CAPSL: variants seen among roughly 807,000 people sequenced by gnomAD.
CAPSL encodes the protein calcyphosine like.
CAPSL carries 17 observed loss-of-function variants against 21.3 expected under a neutral mutation model. The ratio of observed to expected loss-of-function variants is 0.80; its 90% CI spans 0.55 to 1.20. The LOEUF is 1.20. CAPSL is among the 50% of genes most tolerant of loss of function. CAPSL has a pLI of 0.00. For synonymous variants in CAPSL, 102 were observed against 89.3 expected (o/e 1.14, Z -0.80); for missense variants, 289 against 259.3 (o/e 1.11, Z -0.79).
At chr5:35,906,774 G>T (rs1760687840) in intron 4 of CAPSL, among the ~76,000 whole-genome samples, 1 of 152,194 alleles carries the variant, frequency 6.6e-6, no homozygotes, top group South Asian at 2.1e-4. Flanking sequence ...TCCCCCAGTG[G>T]GATGGGGTGA....
intron 1 of CAPSL, among the ~76,000 whole-genome samples, chr5:35,922,075 A>G (rs1368701899): frequency 1.6e-4 from 4 of 25,088 alleles, no homozygotes; most frequent in Admixed American, 5.3e-4. Flanking sequence ...TGTGCAGAAA[A>G]AAAAAAAAAA....
Position 35,916,810 on chromosome 5 carries a change from G to C in CAPSL, c.137+4174C>G, listed in dbSNP as rs577998177. Among the ~76,000 whole-genome samples the C allele has an allele frequency of 3.9e-5, 6 of 152,268 alleles. No homozygotes were observed. The South Asian group carries it at 1.2e-3, about 32-fold the overall frequency. On this transcript the variant is annotated intron_variant, in intron 2 of 4. Transcript: ENST00000651391. ...CATTCAGGACATAGGCATGGGCAAGGACTTCATGTCTAAAACACCAAAAGC... is the reference window on the plus strand; with the variant it reads ...CATTCAGGACATAGGCATGGGCAAGCACTTCATGTCTAAAACACCAAAAGC...
intron 1 of CAPSL, among the ~76,000 whole-genome samples, chr5:35,924,267 G>A (rs940191140): frequency 6.6e-6 from 1 of 152,172 alleles, no homozygotes; most frequent in Non-Finnish European, 1.5e-5. Flanking sequence ...TGCAAACTTG[G>A]AAACTAAGGC....
intron 1 of CAPSL, among the ~76,000 whole-genome samples, chr5:35,930,070 A>T (rs1738782741): frequency 6.6e-6 from 1 of 152,224 alleles, no homozygotes; most frequent in African/African-American, 2.4e-5. Context: ...TGAATATATG[A>T]AACATCTGGT....
In CAPSL at chr5:35,904,579, A is replaced by C. The variant is rs1760631514; in HGVS notation, c.593T>G (p.Phe198Cys). 2.5e-6 allele frequency: 4 copies of C among 1,613,938 alleles called. 1 individual carries two copies. The East Asian group carries it at 8.9e-5, about 36-fold the overall frequency. ...VSASIDTDVY[F>C]IIMMRTAWKL Reference sequence around the variant, plus strand: ...CCAGGCGGTTCTCATCATGATGATGAAGTACACATCAGTGTCAATGGATGC... The same window carrying C: ...CCAGGCGGTTCTCATCATGATGATGCAGTACACATCAGTGTCAATGGATGC... The change falls in exon 5 of 5, where the codon TTC (phenylalanine) becomes TGC (cysteine). Residue 198 changes from phenylalanine (F) to cysteine (C), a missense_variant. Coordinates refer to ENST00000651391, the MANE Select transcript of CAPSL (RefSeq NM_001042625.2).
chr5:35,938,210 A>G (rs1400198529), intron 1 of CAPSL, among the ~76,000 whole-genome samples: 1 of 152,212 alleles, frequency 6.6e-6, no homozygotes, highest in Non-Finnish European at 1.5e-5. Context: ...GGATCGTTAG[A>G]GCAATTCACC....
At chr5:35,917,061 G>A (rs1293156563) in intron 2 of CAPSL, among the ~76,000 whole-genome samples, 1 of 152,194 alleles carries the variant, frequency 6.6e-6, no homozygotes, top group East Asian at 1.9e-4. Context: ...CAAAGGATAT[G>A]AACAGGCACT....
At chr5:35,911,467 T>G (rs993550467) in intron 2 of CAPSL, among the ~76,000 whole-genome samples, 3 of 152,096 alleles carry the variant, frequency 2.0e-5, no homozygotes, top group Non-Finnish European at 4.4e-5. Context: ...AGTTTAGTCA[T>G]GAAGAAAAAA....
intron 1 of CAPSL, among the ~76,000 whole-genome samples, chr5:35,935,545 G>A (rs1276201652): frequency 3.3e-5 from 5 of 151,946 alleles, no homozygotes; most frequent in East Asian, 3.9e-4. Context: ...ATGTTGCCCA[G>A]GCTGGTCTTG....
At position 35,906,212 on chromosome 5, in the gene CAPSL, A is replaced by G. The variant is rs79846611; in HGVS notation, c.526-1566T>C. On this transcript the variant is annotated intron_variant, in intron 4 of 4. Coordinates refer to ENST00000651391, the MANE Select transcript of CAPSL (RefSeq NM_001042625.2). ...AAACTCCCGATATTTTTAGTTTGTT[A>G]TTGTTTCTATTGTCTGTTTGTTGGC... 6.3e-3 allele frequency among the ~76,000 whole-genome samples: 959 copies of G among 152,168 alleles called. 18 individuals carry two copies. Among genetic ancestry groups the G allele is most frequent in the East Asian group, 0.057 (296 of 5,164 alleles).
intron 1 of CAPSL, among the ~76,000 whole-genome samples, chr5:35,931,030 C>T (rs1210339947): frequency 2.0e-5 from 3 of 152,200 alleles, no homozygotes; most frequent in Admixed American, 1.3e-4. Flanking sequence ...CTGACATCAT[C>T]GAGCTGCTGA....
chr5:35,906,311 A>G (rs1760677800), intron 4 of CAPSL, among the ~76,000 whole-genome samples: 1 of 152,092 alleles, frequency 6.6e-6, no homozygotes, highest in Admixed American at 6.5e-5. Context: ...TTTCTCTCCC[A>G]CAGAAGTTGA....
At chr5:35,910,697 C>T (rs1161384530) in intron 2 of CAPSL, among the ~76,000 whole-genome samples, 154 bp from the exon 3 acceptor site, 1 of 152,102 alleles carries the variant, frequency 6.6e-6, no homozygotes, top group Non-Finnish European at 1.5e-5. Context: ...ACTGGAGAGC[C>T]TCTTCCCACC....
At chr5:35,923,121 G>A (rs1435358985) in intron 1 of CAPSL, among the ~76,000 whole-genome samples, 1 of 152,182 alleles carries the variant, frequency 6.6e-6, no homozygotes, top group African/African-American at 2.4e-5. Flanking sequence ...CCCAATGGCT[G>A]TCCCCAGCCA....
At chr5:35,912,799 G>C (rs1438960346) in intron 2 of CAPSL, among the ~76,000 whole-genome samples, 1 of 152,210 alleles carries the variant, frequency 6.6e-6, no homozygotes, top group Non-Finnish European at 1.5e-5. Flanking sequence ...AAAAAGCAGA[G>C]TGCCTCTCCT....
chr5:35,921,931 C>G (rs1207475258), intron 1 of CAPSL, among the ~76,000 whole-genome samples: 1 of 151,774 alleles, frequency 6.6e-6, no homozygotes, highest in Non-Finnish European at 1.5e-5. Flanking sequence ...AAATTCCATC[C>G]CAGCTTCAAA....
intron 2 of CAPSL, 107 bp from the exon 3 acceptor site, chr5:35,910,650 A>G (rs1034708793): frequency 3.5e-6 from 3 of 854,480 alleles, no homozygotes; most frequent in African/African-American, 1.7e-5. Context: ...TTAAAATACA[A>G]AAGTCTTAAA....
chr5:35,928,737 C>G (rs2149931430), intron 1 of CAPSL, among the ~76,000 whole-genome samples: 1 of 152,286 alleles, frequency 6.6e-6, no homozygotes, highest in East Asian at 1.9e-4. Context: ...TGCTGCTACA[C>G]ATTCTGCACA....
At chr5:35,924,595 G>C (rs1738624737) in intron 1 of CAPSL, among the ~76,000 whole-genome samples, 1 of 152,166 alleles carries the variant, frequency 6.6e-6, no homozygotes, top group African/African-American at 2.4e-5. Flanking sequence ...AGCCTACCGT[G>C]AAACTTGAAA....
Sources: allele counts gnomAD v4.1 joint callset (sites outside exome capture counted in the v4.1 genomes callset), GRCh38; gene constraint gnomAD v4.1.1; transcripts MANE v1.5; gene names NCBI Gene and HGNC (gene_info 2026-07-23, HGNC 2026-07-21).